The following SMCR8 variants were observed in gnomAD, a reference collection of about 807,000 sequenced individuals.
The protein encoded by SMCR8 is guanine nucleotide exchange protein SMCR8.
SMCR8 carries 30 observed loss-of-function variants against 56.6 expected under a neutral mutation model. That is an observed-to-expected ratio of 0.53 (90% confidence interval 0.40 to 0.72). The LOEUF (loss-of-function observed/expected upper bound fraction) is 0.72. SMCR8 is among the 30% of genes least tolerant of loss of function. The pLI is 0.00. For synonymous variants in SMCR8, 538 were observed against 456.0 expected, an observed-to-expected ratio of 1.18 and a Z score of -2.29; for missense variants, 1,198 against 1,157.0, an observed-to-expected ratio of 1.04 and a Z score of -0.51.
At position 18,323,204 on chromosome 17, in the gene SMCR8, C is replaced by T. The variant is rs2142994460; in HGVS notation, c.*134C>T. On this transcript the variant is annotated 3_prime_UTR_variant, in exon 2 of 2. Transcript: ENST00000406438. ...CTGGCAGCATGGTTCCCACGTGGCT[C>T]CTAGTAGTTTTTAAGTTGGACATGG... is the stretch of plus-strand genomic sequence containing the variant. 2.5e-6 allele frequency: 2 copies of T among 787,864 alleles called. No individual in the cohort carries two copies. The highest frequency in any genetic ancestry group is 3.7e-5 in the South Asian group (2 of 53,652). The allele number at this position is 787,864 out of a possible 1,614,324, so 48.8% of individuals were successfully genotyped here. A position where few individuals can be genotyped will look rare whatever the true frequency, so the allele number is the denominator to read the frequency against.
At chr17:18,319,949 G>A (rs1334569328) in intron 1 of SMCR8, among the ~76,000 whole-genome samples, 8 of 152,150 alleles carry the variant, frequency 5.3e-5, no homozygotes, top group Admixed American at 6.6e-5. Flanking sequence ...TCAAATGATC[G>A]GCCCACCTCA....
chr17:18,321,695 G>A (rs1982502536), intron 1 of SMCR8, among the ~76,000 whole-genome samples: 1 of 152,106 alleles, frequency 6.6e-6, no homozygotes, highest in Non-Finnish European at 1.5e-5. Context: ...ATCTGGGTGT[G>A]GTGGCATACG....
rs1385080728 is a variant in SMCR8 at position 18,326,147 on chromosome 17, C to T, written c.*3077C>T. 1 of 152,148 alleles carries T rather than the reference C, an allele frequency of 6.6e-6. No homozygotes were observed. Among genetic ancestry groups the T allele is most frequent in the Non-Finnish European group, 1.5e-5 (1 of 68,024 alleles). The allele number at this position is 152,148 out of a possible 1,614,324, so 9.4% of individuals were successfully genotyped here. On this transcript the variant is annotated 3_prime_UTR_variant, in exon 2 of 2. Coordinates refer to ENST00000406438, the MANE Select transcript of SMCR8 (RefSeq NM_144775.3). ...TGAAACCATTAAAAATTACACTTCC[C>T]AGAAAATAGATGACATCAGTGCCCC...
Position 18,322,894 on chromosome 17 carries a change from G to A in SMCR8, c.2638G>A (p.Val880Ile), listed in dbSNP as rs757008293. Residue 880 changes from valine to isoleucine, a missense_variant, in exon 2 of 2, where the codon GTA (valine) becomes ATA (isoleucine). Physicochemically the swap from Val to Ile is conservative, Grantham distance 29. Coordinates refer to ENST00000406438, the MANE Select transcript of SMCR8 (RefSeq NM_144775.3). ...CCACGACAAGGAGACAGAGGAGCTG[G>A]TAGCCAGCCGCCAGATGAGCTTCCT... Reference protein sequence around the residue: ...PTHDKETEELVASRQMSFLKL... With the variant: ...PTHDKETEELIASRQMSFLKL... 1 of 1,614,204 alleles carries A rather than the reference G, an allele frequency of 6.2e-7. No homozygotes were observed. The highest frequency in any genetic ancestry group is 1.1e-5 in the South Asian group (1 of 91,086).
Position 18,315,751 on chromosome 17 carries a change from C to T in SMCR8, c.-39C>T, listed in dbSNP as rs1597996648. Reference sequence around the variant, plus strand: ...CGCGTCGATTAACACCGCATTCTTTCCCACTTCCTCTCAATGTTTTCTTCA... The same window carrying T: ...CGCGTCGATTAACACCGCATTCTTTTCCACTTCCTCTCAATGTTTTCTTCA... On this transcript the variant is annotated 5_prime_UTR_variant, in exon 1 of 2. Transcript: ENST00000406438. 1.3e-6 allele frequency: 2 copies of T among 1,532,158 alleles called. No individual in the cohort carries two copies. Among genetic ancestry groups the T allele is most frequent in the African/African-American group, 1.4e-5 (1 of 72,416 alleles). The allele number at this position is 1,532,158 out of a possible 1,614,324, so 94.9% of individuals were successfully genotyped here. A position where few individuals can be genotyped will look rare whatever the true frequency, so the allele number is the denominator to read the frequency against.
chr17:18,321,356 T>G (rs1982491443), intron 1 of SMCR8, among the ~76,000 whole-genome samples: 1 of 152,140 alleles, frequency 6.6e-6, no homozygotes, highest in Non-Finnish European at 1.5e-5. Flanking sequence ...CCAGATCAGG[T>G]GCAGTTCTGG....
intron 1 of SMCR8, among the ~76,000 whole-genome samples, chr17:18,318,972 C>T (rs1982418060): frequency 6.6e-6 from 1 of 152,206 alleles, no homozygotes; most frequent in Non-Finnish European, 1.5e-5. Flanking sequence ...CCTACACAGG[C>T]ATGAGGTGCA....
rs755030940 is a variant in SMCR8 at position 18,322,771 on chromosome 17, C to T, written c.2515C>T (p.Arg839Trp). The T allele has an allele frequency of 3.1e-6, 5 of 1,614,038 alleles. No individual in the cohort carries two copies. Among genetic ancestry groups the T allele is most frequent in the Admixed American group, 1.7e-5 (1 of 60,016 alleles). ...GGCAGACCACCGCACACAGATCAAG[C>T]GGGGCAGCACCTACTACCTGCATGT... ...RLADHRTQIK[R>W]GSTYYLHVQS... Residue 839 changes from arginine (R) to tryptophan (W), a missense_variant, in exon 2 of 2, where the codon CGG becomes TGG. Arg to Trp is a moderately radical substitution (Grantham distance 101). Transcript: ENST00000406438.
At chr17:18,322,356 A>G (rs933204328) in intron 1 of SMCR8, among the ~76,000 whole-genome samples, 3 of 152,190 alleles carry the variant, frequency 2.0e-5, no homozygotes, top group Non-Finnish European at 4.4e-5. Flanking sequence ...AAAGCTTGCC[A>G]TGGCTCCAAA....
At position 18,323,524 on chromosome 17, in the gene SMCR8, G is replaced by A. The variant is rs184605862; in HGVS notation, c.*454G>A. On this transcript the variant is annotated 3_prime_UTR_variant, in exon 2 of 2. Transcript: ENST00000406438. ...TTGTGGTTTGGTGGAAAACAGGAGGGCAGAACACCCATCGCCTCCTTCAGA... is the reference window on the plus strand; with the variant it reads ...TTGTGGTTTGGTGGAAAACAGGAGGACAGAACACCCATCGCCTCCTTCAGA... The A allele has an allele frequency of 9.6e-4, 170 of 176,912 alleles. 1 individual carries two copies. The highest frequency in any genetic ancestry group is 3.2e-3 in the South Asian group (25 of 7,846). 11.0% of individuals were successfully genotyped at this position (176,912 alleles called of 1,614,324 possible).
chr17:18,319,723 G>T (rs761473057), intron 1 of SMCR8, among the ~76,000 whole-genome samples: 9 of 151,892 alleles, frequency 5.9e-5, no homozygotes, highest in Admixed American at 2.6e-4. Flanking sequence ...TGTGTTTTTT[G>T]TTGTTGTTGT....
At position 18,322,658 on chromosome 17, in the gene SMCR8, G is replaced by A; in HGVS notation, c.2402G>A (p.Ser801Asn). The change falls in exon 2 of 2, where the codon AGC becomes AAC. Residue 801 changes from serine to asparagine, a missense_variant. Coordinates refer to ENST00000406438, the MANE Select transcript of SMCR8 (RefSeq NM_144775.3). ...PAGAGTLHAL[S>N]RYSRYTSILD... ...GGTGCCGGTACCCTCCATGCCCTGA[G>A]CCGCTACAGCCGCTACACGAGCATC... is the stretch of plus-strand genomic sequence containing the variant. 1 of 1,614,088 alleles carries A rather than the reference G, an allele frequency of 6.2e-7. No homozygotes were observed. The highest frequency in any genetic ancestry group is 8.5e-7 in the Non-Finnish European group (1 of 1,180,026).
In SMCR8 at chr17:18,317,911, C is replaced by G; in HGVS notation, c.2122C>G (p.Gln708Glu). 2 of 1,614,162 alleles carry G rather than the reference C, an allele frequency of 1.2e-6. No homozygotes were observed. The highest frequency in any genetic ancestry group is 1.7e-6 in the Non-Finnish European group (2 of 1,180,040). Residue 708 changes from glutamine (Q) to glutamate (E), a missense_variant, in exon 1 of 2, where the codon CAG (glutamine) becomes GAG (glutamate). Coordinates refer to ENST00000406438, the MANE Select transcript of SMCR8 (RefSeq NM_144775.3). ...CGATAGGCATAAAAAGAGGGCTGGC[C>G]AGAACGCCTTAAAATTCATCCGCCA... ...SSDRHKKRAG[Q>E]NALKFIRQYP... is the part of the protein sequence containing the mutation.
rs1482110144 is a variant in SMCR8, at chr17:18,317,189, G to A, written c.1400G>A (p.Ser467Asn). Residue 467 changes from serine to asparagine, a missense_variant, in exon 1 of 2, where the codon AGC (serine) becomes AAC (asparagine). Coordinates refer to ENST00000406438, the MANE Select transcript of SMCR8 (RefSeq NM_144775.3). Reference sequence around the variant, plus strand: ...GATATGGATATGAAAGGGAGTATCAGCAGTGGTGAAAGTATTGAAGTTTTG... The same window carrying A: ...GATATGGATATGAAAGGGAGTATCAACAGTGGTGAAAGTATTGAAGTTTTG... The part of the protein sequence containing the change: ...YLDMDMKGSI[S>N]SGESIEVLGT... The A allele has an allele frequency of 4.3e-6, 7 of 1,614,190 alleles. No homozygotes were observed. Among genetic ancestry groups the A allele is most frequent in the Non-Finnish European group, 5.9e-6 (7 of 1,180,044 alleles).
chr17:18,322,882 A>G lies in SMCR8; in HGVS notation c.2626A>G (p.Thr876Ala). Reference protein sequence around the residue: ...HLHLPTHDKETEELVASRQMS... With the variant: ...HLHLPTHDKEAEELVASRQMS... ...GCACCTGCCTACCCACGACAAGGAG[A>G]CAGAGGAGCTGGTAGCCAGCCGCCA... Residue 876 changes from threonine to alanine, a missense_variant, in exon 2 of 2, where the codon ACA (threonine) becomes GCA (alanine). Physicochemically the swap from Thr to Ala is moderately conservative, Grantham distance 58. Coordinates refer to ENST00000406438, the MANE Select transcript of SMCR8 (RefSeq NM_144775.3). The G allele has an allele frequency of 1.2e-6, 2 of 1,614,090 alleles. No individual in the cohort carries two copies. The highest frequency in any genetic ancestry group is 1.7e-6 in the Non-Finnish European group (2 of 1,179,970).
At chr17:18,322,289 G>T (rs984108335) in intron 1 of SMCR8, among the ~76,000 whole-genome samples, 1 of 152,206 alleles carries the variant, frequency 6.6e-6, no homozygotes, top group Admixed American at 6.5e-5. Context: ...GGGATTACAG[G>T]TGTGAGCCAT....
rs776556747 is a variant in SMCR8 at position 18,316,692 on chromosome 17, C to G, written c.903C>G (p.Ala301=). Residue 301 remains alanine, a synonymous_variant, in exon 1 of 2, where the codon GCC becomes GCG. Transcript: ENST00000406438. ...ADTDLYTCRP[A]YTPKLIKAKS... is the part of the protein sequence containing the mutation. The stretch of plus-strand genomic sequence containing the variant: ...CAGACCTTTACACCTGCAGACCAGC[C>G]TACACCCCAAAACTTATCAAAGCAA... 2 of 1,614,198 alleles carry G rather than the reference C, an allele frequency of 1.2e-6. No homozygotes were observed. The highest frequency in any genetic ancestry group is 2.2e-5 in the South Asian group (2 of 91,086).
chr17:18,317,395 A>G lies in SMCR8; in HGVS notation c.1606A>G (p.Ser536Gly), dbSNP rs772068664. The G allele has an allele frequency of 1.2e-6, 2 of 1,614,178 alleles. No individual in the cohort carries two copies. The highest frequency in any genetic ancestry group is 1.7e-6 in the Non-Finnish European group (2 of 1,180,042). Residue 536 changes from serine (S) to glycine (G), a missense_variant, in exon 1 of 2, where the codon AGC becomes GGC. By Grantham distance (56) the Ser-to-Gly change is moderately conservative. Coordinates refer to ENST00000406438, the MANE Select transcript of SMCR8 (RefSeq NM_144775.3). ...CCTCATCCCTGATGACTTTAAGGCC[A>G]GCTACCCAAGTGCCATTAATGAAGA... The part of the protein sequence containing the change: ...EALIPDDFKA[S>G]YPSAINEEES...
chr17:18,320,451 A>G (rs1370540878), intron 1 of SMCR8, among the ~76,000 whole-genome samples: 1 of 152,214 alleles, frequency 6.6e-6, no homozygotes, highest in African/African-American at 2.4e-5. Context: ...GCCTGGGAAC[A>G]GGTATCCCAG....
Sources: gnomAD v4.1 joint callset for allele counts (sites outside exome capture counted in the v4.1 genomes callset) on GRCh38, gnomAD v4.1.1 for gene constraint, MANE v1.5 for transcripts, NCBI Gene and HGNC (gene_info 2026-07-23, HGNC 2026-07-21) for gene names.